The following PAWR variants were observed in gnomAD, a reference collection of about 807,000 sequenced individuals.
PAWR encodes the protein PRKC apoptosis WT1 regulator protein.
PAWR carries 23 observed loss-of-function variants against 32.0 expected under a neutral mutation model. The ratio of observed to expected loss-of-function variants is 0.72; its 90% CI spans 0.52 to 1.02. The LOEUF is 1.02. Ranked by LOEUF, PAWR falls within the 50% of genes least tolerant of loss-of-function variation. PAWR has a pLI of 0.00. For missense variants in PAWR, 457 were observed against 437.7 expected (o/e 1.04, Z -0.39); for synonymous variants, 226 against 187.1 (o/e 1.21, Z -1.70).
intron 2 of PAWR, among the ~76,000 whole-genome samples, chr12:79,638,789 G>GT (rs1876095342): frequency 1.4e-5 from 1 of 70,152 alleles, no homozygotes; most frequent in African/African-American, 6.4e-5. Context: ...ATTATATTTG[G>GT]GGTGTGTGTG....
chr12:79,593,345 C>T (rs1873625350), intron 6 of PAWR, among the ~76,000 whole-genome samples: 1 of 152,160 alleles, frequency 6.6e-6, no homozygotes, highest in Non-Finnish European at 1.5e-5. Flanking sequence ...TTCAAAGCCA[C>T]TAAATTAAGT....
At chr12:79,615,813 T>C (rs1238576005) in intron 3 of PAWR, among the ~76,000 whole-genome samples, 1 of 152,086 alleles carries the variant, frequency 6.6e-6, no homozygotes, top group African/African-American at 2.4e-5. Flanking sequence ...TCCTAGCACT[T>C]TGGGAGGCTG....
chr12:79,663,076 G>GT (rs371627979), intron 2 of PAWR, among the ~76,000 whole-genome samples: 225 of 152,254 alleles, frequency 1.5e-3, no homozygotes, highest in African/African-American at 5.1e-3. Flanking sequence ...TACACAACAA[G>GT]TAACTATCTT....
intron 2 of PAWR, among the ~76,000 whole-genome samples, chr12:79,688,719 G>T (rs1429316311): frequency 6.6e-6 from 1 of 152,118 alleles, no homozygotes; most frequent in Non-Finnish European, 1.5e-5. Context: ...TATTGCAAAT[G>T]CTTCTACTTA....
At position 79,591,457 on chromosome 12, in the gene PAWR, A is replaced by G. The variant is rs1873552596; in HGVS notation, c.*1150T>C. ...AGCAAAAATGTCATAATTTTAATGT[A>G]TTTTAAGGGAAGACGGGGTTCTTAA... On this transcript the variant is annotated 3_prime_UTR_variant, in exon 7 of 7. Transcript: ENST00000328827. 6.6e-6 allele frequency: 1 copy of G among 152,204 alleles called. No individual in the cohort carries two copies. Among genetic ancestry groups the G allele is most frequent in the Admixed American group, 6.5e-5 (1 of 15,280 alleles). 9.4% of individuals were successfully genotyped at this position (152,204 alleles called of 1,614,324 possible).
chr12:79,647,915 G>T (rs997186220), intron 2 of PAWR, among the ~76,000 whole-genome samples: 1 of 152,110 alleles, frequency 6.6e-6, no homozygotes, highest in African/African-American at 2.4e-5. Flanking sequence ...ATGGTTTCAG[G>T]ATGAAACTGT....
At chr12:79,684,493 C>T (rs952226228) in intron 2 of PAWR, among the ~76,000 whole-genome samples, 4 of 151,990 alleles carry the variant, frequency 2.6e-5, no homozygotes, top group Non-Finnish European at 5.9e-5. Context: ...CACCTGCAGT[C>T]CCAGCTACTT....
At chr12:79,647,925 T>C (rs950704449) in intron 2 of PAWR, among the ~76,000 whole-genome samples, 3 of 152,048 alleles carry the variant, frequency 2.0e-5, no homozygotes, top group African/African-American at 7.2e-5. Context: ...GATGAAACTG[T>C]TCTACCTCAG....
intron 4 of PAWR, among the ~76,000 whole-genome samples, chr12:79,610,540 T>C (rs1010592406): frequency 4.6e-5 from 7 of 152,094 alleles, no homozygotes; most frequent in Admixed American, 2.6e-4. Context: ...CTACACTTCG[T>C]TTAAAAGGCA....
intron 2 of PAWR, among the ~76,000 whole-genome samples, chr12:79,688,029 C>G (rs146068242): frequency 1.3e-5 from 2 of 151,992 alleles, no homozygotes; most frequent in African/African-American, 4.8e-5. Context: ...TGTTTGTTTT[C>G]AGGGAAGATT....
intron 2 of PAWR, among the ~76,000 whole-genome samples, chr12:79,626,163 T>TA (rs565157190): frequency 0.029 from 2,416 of 81,912 alleles, 47 homozygotes; most frequent in East Asian, 0.084. Context: ...GACTCCATCT[T>TA]AAAAAAAAAA....
At chr12:79,610,995 A>G (rs544618406) in intron 4 of PAWR, among the ~76,000 whole-genome samples, 1 of 151,170 alleles carries the variant, frequency 6.6e-6, no homozygotes, top group South Asian at 2.1e-4. Context: ...TGAGCACATA[A>G]CAGACTCAAG....
In PAWR at chr12:79,689,982, C is replaced by A. The variant is rs1004586155; in HGVS notation, c.263G>T (p.Gly88Val). 33 of 1,321,796 alleles carry A rather than the reference C, an allele frequency of 2.5e-5. No individual in the cohort carries two copies. The highest frequency in any genetic ancestry group is 7.8e-5 in the African/African-American group (5 of 64,464). 81.9% of individuals were successfully genotyped at this position (1,321,796 alleles called of 1,614,324 possible). Residue 88 changes from glycine (G) to valine (V), a missense_variant, in exon 2 of 7, where the codon GGC becomes GTC. Physicochemically the swap from Gly to Val is moderately radical, Grantham distance 109. Transcript: ENST00000328827. ...PAAPAVPGPG[G>V]VNCAVGSAML... ...GGCGGAGCCGACCGCGCAGTTCACG[C>A]CCCCGGGACCGGGGACGGCAGGTGC...
At chr12:79,620,412 T>C (rs1345144511) in intron 3 of PAWR, among the ~76,000 whole-genome samples, 1 of 152,042 alleles carries the variant, frequency 6.6e-6, no homozygotes, top group Non-Finnish European at 1.5e-5. Flanking sequence ...GCATAGAGAA[T>C]TCAAGTCCAA....
rs1276923036 is a variant in PAWR at position 79,690,269 on chromosome 12, C to G, written c.-25G>C. ...TATTCCCAAAGGGGCCGGTCGGGCTCTCACCTCAGGCCGCCCACCAGGGCT... is the reference window on the plus strand; with the variant it reads ...TATTCCCAAAGGGGCCGGTCGGGCTGTCACCTCAGGCCGCCCACCAGGGCT... On this transcript the variant is annotated 5_prime_UTR_variant, in exon 2 of 7. Transcript: ENST00000328827. 4 of 1,477,292 alleles carry G rather than the reference C, an allele frequency of 2.7e-6. No individual in the cohort carries two copies. Among genetic ancestry groups the G allele is most frequent in the Admixed American group, 4.5e-5 (2 of 44,310 alleles). 91.5% of individuals were successfully genotyped at this position (1,477,292 alleles called of 1,614,324 possible). A position where few individuals can be genotyped will look rare whatever the true frequency, so the allele number is the denominator to read the frequency against.
At chr12:79,631,152 A>G (rs1469008520) in intron 2 of PAWR, among the ~76,000 whole-genome samples, 2 of 152,204 alleles carry the variant, frequency 1.3e-5, no homozygotes, top group African/African-American at 4.8e-5. Flanking sequence ...TAGCAAACTT[A>G]GAAGAGAATA....
intron 2 of PAWR, among the ~76,000 whole-genome samples, chr12:79,670,572 C>T (rs1039420362): frequency 2.6e-5 from 4 of 152,042 alleles, no homozygotes; most frequent in African/African-American, 9.7e-5. Flanking sequence ...GTCCATCTGA[C>T]ATTAGAAAAA....
intron 2 of PAWR, among the ~76,000 whole-genome samples, chr12:79,640,211 A>G (rs1876254806): frequency 6.6e-6 from 1 of 151,932 alleles, no homozygotes; most frequent in Non-Finnish European, 1.5e-5. Context: ...CCATAAATCT[A>G]TTTTAGCAGA....
chr12:79,613,678 G>A (rs1874542865), intron 3 of PAWR, 69 bp from the exon 4 acceptor site: 1 of 765,732 alleles, frequency 1.3e-6, no homozygotes, highest in South Asian at 2.3e-5. Context: ...ATATAAAATA[G>A]TTGATAGAGA....
Sources: allele counts gnomAD v4.1 joint callset (sites outside exome capture counted in the v4.1 genomes callset), GRCh38; gene constraint gnomAD v4.1.1; transcripts MANE v1.5; gene names NCBI Gene and HGNC (gene_info 2026-07-23, HGNC 2026-07-21).